Variants in CPO observed in about 807,000 individuals in gnomAD.
CPO encodes metallocarboxypeptidase C.
CPO carries 43 observed loss-of-function variants against 41.2 expected under a neutral mutation model. That is an observed-to-expected ratio of 1.04 (90% CI 0.82 to 1.35). The LOEUF is 1.35. Ranked by LOEUF, CPO falls within the 40% of genes most tolerant of loss-of-function variation. The probability of loss-of-function intolerance (pLI) is 0.00; values close to 1 mark genes in which losing one functional copy is unlikely to be tolerated. For synonymous variants in CPO, 178 were observed against 162.7 expected, an observed-to-expected ratio of 1.09 and a Z score of -0.72; for missense variants, 408 against 451.7, an observed-to-expected ratio of 0.90 and a Z score of 0.88.
chr2:206,968,373 A>G (rs748432778), intron 8 of CPO, 26 bp downstream of exon 8: 11 of 1,345,982 alleles, frequency 8.2e-6, no homozygotes, highest in South Asian at 7.0e-5. Context: ...TGCCTCTTCA[A>G]TAGTATCTAA....
chr2:206,954,079 G>T (rs1179804085), intron 2 of CPO, among the ~76,000 whole-genome samples: 3 of 152,176 alleles, frequency 2.0e-5, no homozygotes, highest in Non-Finnish European at 4.4e-5. Flanking sequence ...TAGGCCTCCA[G>T]GCCTGTGATG....
intron 1 of CPO, among the ~76,000 whole-genome samples, chr2:206,942,566 C>G (rs1031349157): frequency 6.6e-6 from 1 of 152,064 alleles, no homozygotes; most frequent in Non-Finnish European, 1.5e-5. Context: ...AGTCAAAATG[C>G]TATCAGACCA....
At chr2:206,965,867 G>A (rs985917509) in intron 7 of CPO, among the ~76,000 whole-genome samples, 6 of 152,146 alleles carry the variant, frequency 3.9e-5, no homozygotes, top group Non-Finnish European at 7.3e-5. Context: ...CTCTATTATA[G>A]CCTTGCAATG....
intron 7 of CPO, among the ~76,000 whole-genome samples, chr2:206,968,038 A>G (rs540620807): frequency 9.2e-5 from 14 of 152,316 alleles, no homozygotes; most frequent in African/African-American, 3.1e-4. Flanking sequence ...ATGCAAGCCC[A>G]GAAATATGAA....
intron 3 of CPO, among the ~76,000 whole-genome samples, chr2:206,956,636 T>G (rs1216184434): frequency 6.6e-6 from 1 of 152,180 alleles, no homozygotes; most frequent in South Asian, 2.1e-4. Context: ...GATACCACAG[T>G]GCATTTCTAA....
At chr2:206,956,207 G>C (rs1350027317) in intron 3 of CPO, among the ~76,000 whole-genome samples, 1 of 152,092 alleles carries the variant, frequency 6.6e-6, no homozygotes, top group Non-Finnish European at 1.5e-5. Flanking sequence ...TTCAATTCAG[G>C]CTGCACATTA....
chr2:206,947,881 C>T (rs1041459523), intron 1 of CPO, among the ~76,000 whole-genome samples: 7 of 152,088 alleles, frequency 4.6e-5, no homozygotes, highest in Admixed American at 2.0e-4. Flanking sequence ...AGATAATATA[C>T]TTCACACCTA....
intron 3 of CPO, 88 bp downstream of exon 3, chr2:206,955,652 G>A: frequency 1.2e-6 from 1 of 818,754 alleles, no homozygotes; most frequent in South Asian, 1.4e-5. Context: ...TCAGAAGTGT[G>A]GAAAAGAGGC....
intron 7 of CPO, 61 bp from the exon 8 acceptor site, chr2:206,968,202 G>T (rs1693620797): frequency 4.3e-6 from 5 of 1,153,030 alleles, no homozygotes; most frequent in Non-Finnish European, 5.2e-6. Context: ...AACACCAAAT[G>T]GTTGGATTGT....
rs563454517 is a variant in CPO at position 206,968,290 on chromosome 2, G to A, written c.805G>A (p.Ala269Thr). 2 of 1,612,058 alleles carry A rather than the reference G, an allele frequency of 1.2e-6. No homozygotes were observed. The highest frequency in any genetic ancestry group is 2.2e-5 in the South Asian group (2 of 91,034). Residue 269 changes from alanine to threonine, a missense_variant, in exon 8 of 9, where the codon GCA becomes ACA. By Grantham distance (58) the Ala-to-Thr change is moderately conservative (BLOSUM62 0). Coordinates refer to ENST00000272852, the MANE Select transcript of CPO (RefSeq NM_173077.3). ...MIQVGQKAAN[A>T]LKAKYGTNYR... ...TCAAGTTGGACAGAAGGCAGCAAAT[G>A]CATTGAAAGCAAAGTATGGAACCAA... is the stretch of plus-strand genomic sequence containing the variant.
chr2:206,967,352 GA>G (rs1693598376), intron 7 of CPO, among the ~76,000 whole-genome samples: 1 of 118,438 alleles, frequency 8.4e-6, no homozygotes, highest in Admixed American at 8.2e-5. Context: ...TATATATATA[GA>G]TATATAGATA....
chr2:206,958,756 T>C (rs995538800), intron 4 of CPO, among the ~76,000 whole-genome samples: 2 of 147,234 alleles, frequency 1.4e-5, no homozygotes, highest in African/African-American at 5.1e-5. Flanking sequence ...TTTTTTTTTT[T>C]TTAAGACAGA....
chr2:206,957,456 AAGG>A (rs1213357405), intron 3 of CPO, among the ~76,000 whole-genome samples: 1 of 152,164 alleles, frequency 6.6e-6, no homozygotes, highest in Non-Finnish European at 1.5e-5. Context: ...ATGAGGCTAA[AAGG>A]AGAAGATTCC....
intron 2 of CPO, among the ~76,000 whole-genome samples, chr2:206,952,513 T>A (rs1317952213): frequency 6.6e-6 from 1 of 152,240 alleles, no homozygotes; most frequent in Non-Finnish European, 1.5e-5. Flanking sequence ...TGTCTGAATA[T>A]GTCTTATGTT....
intron 7 of CPO, among the ~76,000 whole-genome samples, chr2:206,967,968 T>C (rs1693616922): frequency 6.6e-6 from 1 of 152,200 alleles, no homozygotes; most frequent in South Asian, 2.1e-4. Flanking sequence ...ACTTGGAAAC[T>C]GTTTTAGAGA....
intron 2 of CPO, among the ~76,000 whole-genome samples, chr2:206,950,382 T>C (rs1295365821): frequency 6.6e-6 from 1 of 152,096 alleles, no homozygotes; most frequent in Non-Finnish European, 1.5e-5. Flanking sequence ...AACAATGAAA[T>C]ACCATCTCAC....
chr2:206,967,354 T>TATAGATATATAGATATAG (rs1553512807), intron 7 of CPO, among the ~76,000 whole-genome samples: 9 of 111,106 alleles, frequency 8.1e-5, no homozygotes, highest in African/African-American at 2.6e-4. Context: ...TATATATAGA[T>TATAGATATATAGATATAG]ATATAGATAT....
At chr2:206,963,969 G>T (rs1204618634) in intron 7 of CPO, among the ~76,000 whole-genome samples, 1 of 151,990 alleles carries the variant, frequency 6.6e-6, no homozygotes, top group Non-Finnish European at 1.5e-5. Flanking sequence ...AGTACATAAG[G>T]GTTTCTCCAC....
intron 7 of CPO, among the ~76,000 whole-genome samples, chr2:206,965,340 A>G (rs1693553674): frequency 1.3e-5 from 2 of 152,204 alleles, no homozygotes; most frequent in Admixed American, 6.5e-5. Flanking sequence ...AAAGACACAG[A>G]ATCAAGCCAA....
Sources: allele counts gnomAD v4.1 joint callset (sites outside exome capture counted in the v4.1 genomes callset), GRCh38; gene constraint gnomAD v4.1.1; transcripts MANE v1.5; gene names NCBI Gene and HGNC (gene_info 2026-07-23, HGNC 2026-07-21).